The following RPGRIP1L variants were observed in gnomAD, a reference collection of about 807,000 sequenced individuals.
RPGRIP1L encodes protein fantom.
Under a neutral mutation model 160.4 loss-of-function variants are expected in RPGRIP1L, and 131 were observed. The observed-to-expected ratio is 0.82, with a 90% confidence interval of 0.71 to 0.94. The LOEUF is 0.94. RPGRIP1L is among the 40% of genes least tolerant of loss of function. The probability of loss-of-function intolerance (pLI) is 0.00; values close to 1 mark genes in which losing one functional copy is unlikely to be tolerated. For missense variants in RPGRIP1L, 1,522 were observed against 1,535.8 expected (o/e 0.99, Z 0.15); for synonymous variants, 510 against 515.8 (o/e 0.99, Z 0.15).
chr16:53,648,952 AAATGAGCTT>A lies in RPGRIP1L; in HGVS notation c.2304+3_2304+11del. 6.2e-7 allele frequency: 1 copy of A among 1,612,660 alleles called. No individual in the cohort carries two copies. The highest frequency in any genetic ancestry group is 8.5e-7 in the Non-Finnish European group (1 of 1,178,658). On this transcript the variant is annotated splice_donor_5th_base_variant and intron_variant, in intron 16 of 26. Transcript: ENST00000647211. ...TATGTCATAAAAGGGTCTTAAAGCC[AAATGAGCTT>A]ACCGACTGCATATGCTCTGGCCCCT...
intron 7 of RPGRIP1L, among the ~76,000 whole-genome samples, chr16:53,674,297 A>C (rs766053680): frequency 4.6e-5 from 7 of 152,174 alleles, no homozygotes; most frequent in Non-Finnish European, 7.4e-5. Flanking sequence ...ACTTCAAAGA[A>C]AGTGTTACTT....
intron 22 of RPGRIP1L, among the ~76,000 whole-genome samples, chr16:53,624,611 T>C (rs1369926644): frequency 6.6e-6 from 1 of 152,102 alleles, no homozygotes; most frequent in East Asian, 1.9e-4. Context: ...CCGAGAAATA[T>C]ATAGAACTCT....
In RPGRIP1L at chr16:53,605,349, A is replaced by C. The variant is rs1273983057; in HGVS notation, c.3835+132T>G. The stretch of plus-strand genomic sequence containing the variant: ...GACGCTTCAGCTTCACCAAAGCGTC[A>C]ACTTGAGTTGTAAAGGATTCAAGTA... On this transcript the variant is annotated intron_variant, in intron 26 of 26. Coordinates refer to ENST00000647211, the MANE Select transcript of RPGRIP1L (RefSeq NM_015272.5). 5 of 993,366 alleles carry C rather than the reference A, an allele frequency of 5.0e-6. No homozygotes were observed. The Admixed American group carries it at 8.7e-5, about 17-fold the overall frequency. 61.5% of individuals were successfully genotyped at this position (993,366 alleles called of 1,614,324 possible).
chr16:53,681,070 A>G (rs866857944), intron 6 of RPGRIP1L, among the ~76,000 whole-genome samples: 4 of 152,248 alleles, frequency 2.6e-5, no homozygotes, highest in Non-Finnish European at 5.9e-5. Flanking sequence ...CATAACCTAG[A>G]GTGCTAGAAA....
chr16:53,646,130 A>G, intron 16 of RPGRIP1L, 127 bp from the exon 17 acceptor site: 1 of 825,646 alleles, frequency 1.2e-6, no homozygotes, highest in Non-Finnish European at 1.9e-6. Flanking sequence ...ATAATTTCTC[A>G]GTAAAATAAA....
chr16:53,625,407 TGGCGGCCGCCCCGTCTGGG>T (rs1264326798), intron 22 of RPGRIP1L, among the ~76,000 whole-genome samples: 1 of 127,946 alleles, frequency 7.8e-6, no homozygotes. Context: ...CGCCTCAGCC[TGGCGGCCGCCCCGTCTGGG>T]GGGTGGGGTG....
intron 11 of RPGRIP1L, 88 bp from the exon 12 acceptor site, chr16:53,658,552 A>C: frequency 9.2e-7 from 1 of 1,088,986 alleles, no homozygotes. Context: ...CCCATGAAAC[A>C]TAAACTGACT....
chr16:53,645,505 T>TA (rs1966482346), intron 17 of RPGRIP1L, 120 bp downstream of exon 17: 1 of 891,500 alleles, frequency 1.1e-6, no homozygotes, highest in Non-Finnish European at 1.7e-6. Context: ...AATATAGGCC[T>TA]AAAGTTTAAA....
At chr16:53,687,379 T>C (rs1970093612) in intron 5 of RPGRIP1L, among the ~76,000 whole-genome samples, 2 of 152,150 alleles carry the variant, frequency 1.3e-5, no homozygotes, top group Non-Finnish European at 2.9e-5. Flanking sequence ...AGTAACTTTT[T>C]TGAAACCATA....
chr16:53,650,533 G>A (rs1966844584), intron 15 of RPGRIP1L, among the ~76,000 whole-genome samples: 1 of 152,120 alleles, frequency 6.6e-6, no homozygotes, highest in African/African-American at 2.4e-5. Flanking sequence ...AGACCAGCCT[G>A]GGCAACAGAG....
intron 26 of RPGRIP1L, among the ~76,000 whole-genome samples, chr16:53,604,128 T>G (rs1598202427): frequency 6.6e-6 from 1 of 152,258 alleles, no homozygotes; most frequent in Non-Finnish European, 1.5e-5. Flanking sequence ...CTCATCTTTT[T>G]CTCTGTGCCA....
intron 25 of RPGRIP1L, among the ~76,000 whole-genome samples, chr16:53,609,488 T>A (rs572272506): frequency 1.4e-5 from 2 of 142,308 alleles, no homozygotes; most frequent in African/African-American, 5.7e-5. Flanking sequence ...GATTTTAAAT[T>A]TTTTAAATAA....
At chr16:53,653,332 T>TG in intron 14 of RPGRIP1L, 1 of 1,120,406 alleles carries the variant, frequency 8.9e-7, no homozygotes, top group Non-Finnish European at 1.1e-6. Flanking sequence ...CCCATTGTCT[T>TG]CACTCCTATA....
intron 4 of RPGRIP1L, among the ~76,000 whole-genome samples, chr16:53,691,021 C>CT (rs969914839): frequency 6.6e-6 from 1 of 152,108 alleles, no homozygotes; most frequent in Admixed American, 6.5e-5. Context: ...CAAAGGAACT[C>CT]TATCTAGGGA....
At chr16:53,659,035 GA>G in intron 10 of RPGRIP1L, 157 bp from the exon 11 acceptor site, 1 of 670,022 alleles carries the variant, frequency 1.5e-6, no homozygotes, top group Non-Finnish European at 2.5e-6. Flanking sequence ...GACAGCAGGG[GA>G]ATGAGGAATA....
At chr16:53,654,068 A>C (rs957281437) in intron 14 of RPGRIP1L, among the ~76,000 whole-genome samples, 2 of 152,150 alleles carry the variant, frequency 1.3e-5, no homozygotes, top group Non-Finnish European at 2.9e-5. Flanking sequence ...GGTTCAAACG[A>C]TTCTCCTGAC....
chr16:53,627,348 T>C (rs1352633066), intron 22 of RPGRIP1L, among the ~76,000 whole-genome samples: 1 of 152,212 alleles, frequency 6.6e-6, no homozygotes, highest in Non-Finnish European at 1.5e-5. Flanking sequence ...CTAAAATGAA[T>C]AGGCATTTCT....
rs532158982 is a variant in RPGRIP1L, at chr16:53,630,024, T to C, written c.3294+6415A>G. Among the ~76,000 whole-genome samples, 27 of 151,024 alleles carry C rather than the reference T, an allele frequency of 1.8e-4. No homozygotes were observed. The East Asian group carries it at 5.0e-3, about 28-fold the overall frequency. ...CTGTATGTGCAAATAAAAATATATA[T>C]ATAGACCTTTTTGTATTTCTTTTGT... On this transcript the variant is annotated intron_variant, in intron 22 of 26. Coordinates refer to ENST00000647211, the MANE Select transcript of RPGRIP1L (RefSeq NM_015272.5).
intron 6 of RPGRIP1L, among the ~76,000 whole-genome samples, chr16:53,681,072 T>A (rs946699181): frequency 2.0e-5 from 3 of 152,066 alleles, no homozygotes; most frequent in African/African-American, 7.2e-5. Flanking sequence ...TAACCTAGAG[T>A]GCTAGAAAGT....
Sources: gnomAD v4.1 joint callset for allele counts (sites outside exome capture counted in the v4.1 genomes callset) on GRCh38, gnomAD v4.1.1 for gene constraint, MANE v1.5 for transcripts, NCBI Gene and HGNC (gene_info 2026-07-23, HGNC 2026-07-21) for gene names.